The following GLI2 variants were observed in gnomAD, a reference collection of about 807,000 sequenced individuals.
GLI2 encodes GLI family zinc finger 2, also known as transcription activator GLI2.
In GLI2, 22 loss-of-function variants were observed where a neutral mutation model predicts 78.9. The ratio of observed to expected loss-of-function variants is 0.28; its 90% CI spans 0.20 to 0.40. The LOEUF is 0.40. Ranked by LOEUF, GLI2 falls within the 10% of genes least tolerant of loss-of-function variation. The pLI, the probability that GLI2 is intolerant of heterozygous loss-of-function variation, is 1.00. For missense variants in GLI2, 2,097 were observed against 2,213.2 expected, an observed-to-expected ratio of 0.95 and a Z score of 1.05; for synonymous variants, 974 against 963.7, an observed-to-expected ratio of 1.01 and a Z score of -0.20.
chr2:120,934,681 A>T (rs187298779), intron 3 of GLI2, among the ~76,000 whole-genome samples: 4 of 152,126 alleles, frequency 2.6e-5, no homozygotes, highest in African/African-American at 9.7e-5. Flanking sequence ...CAAAATGCAT[A>T]TTACCCAGGG....
At chr2:120,779,929 T>C (rs1283182006) in intron 1 of GLI2, among the ~76,000 whole-genome samples, 1 of 152,204 alleles carries the variant, frequency 6.6e-6, no homozygotes, top group Non-Finnish European at 1.5e-5. Context: ...TGTGTGTTTG[T>C]GTGTGCGTAT....
At chr2:120,874,978 A>G (rs549144994) in intron 2 of GLI2, among the ~76,000 whole-genome samples, 3 of 152,280 alleles carry the variant, frequency 2.0e-5, no homozygotes, top group African/African-American at 7.2e-5. Context: ...CTTCCCAGAC[A>G]CTTTCGGCCT....
At chr2:120,760,758 C>T (rs911598584) in intron 1 of GLI2, among the ~76,000 whole-genome samples, 9 of 152,146 alleles carry the variant, frequency 5.9e-5, no homozygotes, top group Admixed American at 2.6e-4. Context: ...CCCCTAAGTT[C>T]GGTGGTGTCT....
rs1036107866 is a variant in GLI2, at chr2:120,978,512, C to A, written c.1396C>A (p.Pro466Thr). 1.2e-6 allele frequency: 2 copies of A among 1,614,022 alleles called. No individual in the cohort carries two copies. The highest frequency in any genetic ancestry group is 2.7e-5 in the African/African-American group (2 of 74,954). ...GCAGGCCTGCACGCGGGAGCAGAAG[C>A]CCTTCAAGGCGCAGTACATGCTGGT... ...RWQACTREQK[P>T]FKAQYMLVVH... The change falls in exon 10 of 14, where the codon CCC (proline) becomes ACC (threonine). Residue 466 changes from proline to threonine, a missense_variant. Physicochemically the swap from Pro to Thr is conservative, Grantham distance 38 (BLOSUM62 -1). Around this residue, in one of 5 missense-constraint regions of GLI2, gnomAD observed 104 missense variants for 190.6 expected, o/e 0.55. Coordinates refer to ENST00000361492, the MANE Select transcript of GLI2 (RefSeq NM_001374353.1).
intron 1 of GLI2, 96 bp from the exon 2 acceptor site, chr2:120,797,195 G>A: frequency 1.2e-6 from 1 of 845,662 alleles, no homozygotes; most frequent in Non-Finnish European, 2.0e-6. Flanking sequence ...AATGAAGTTG[G>A]TTGCTTTAGG....
intron 2 of GLI2, among the ~76,000 whole-genome samples, chr2:120,813,153 C>A (rs115973395): frequency 6.6e-6 from 1 of 152,284 alleles, no homozygotes; most frequent in African/African-American, 2.4e-5. Context: ...CTGGCAGGGC[C>A]GGGGTGGTGA....
chr2:120,928,370 C>T (rs1679791980), intron 3 of GLI2, among the ~76,000 whole-genome samples: 1 of 152,204 alleles, frequency 6.6e-6, no homozygotes, highest in South Asian at 2.1e-4. Context: ...ACCTCCAAGC[C>T]TCAACCGAGG....
chr2:120,753,931 A>C (rs1682962307), intron 1 of GLI2, among the ~76,000 whole-genome samples: 1 of 151,880 alleles, frequency 6.6e-6, no homozygotes, highest in Non-Finnish European at 1.5e-5. Flanking sequence ...AAAAAAAAAA[A>C]ACAACTATTT....
At chr2:120,808,327 C>T (rs1260779646) in intron 2 of GLI2, among the ~76,000 whole-genome samples, 1 of 152,154 alleles carries the variant, frequency 6.6e-6, no homozygotes, top group Non-Finnish European at 1.5e-5. Flanking sequence ...GCAATCCCAC[C>T]ATTAGGTGTT....
At chr2:120,981,276 G>C (rs946747776) in intron 10 of GLI2, among the ~76,000 whole-genome samples, 2 of 152,206 alleles carry the variant, frequency 1.3e-5, no homozygotes, top group African/African-American at 4.8e-5. Flanking sequence ...CTGAAAAATT[G>C]TTCTTTCCAT....
At chr2:120,920,398 T>A (rs112890623) in intron 2 of GLI2, among the ~76,000 whole-genome samples, 1 of 152,246 alleles carries the variant, frequency 6.6e-6, no homozygotes, top group African/African-American at 2.4e-5. Context: ...GTCTGAACTC[T>A]GCAGACCCCT....
At position 120,968,947 on chromosome 2, in the gene GLI2, A is replaced by G. The variant is rs780659305; in HGVS notation, c.845+32A>G. ...CCCGCCTGCAAGCAGAGAGCTGAGG[A>G]CCAGAGCTGGGCTGAGGGCCCGGTG... On this transcript the variant is annotated intron_variant, in intron 6 of 13. Coordinates refer to ENST00000361492, the MANE Select transcript of GLI2 (RefSeq NM_001374353.1). 11 of 1,575,222 alleles carry G rather than the reference A, an allele frequency of 7.0e-6. No homozygotes were observed. The Admixed American group carries it at 1.0e-4, about 14-fold the overall frequency.
intron 2 of GLI2, among the ~76,000 whole-genome samples, chr2:120,850,568 G>T (rs551912455): frequency 1.3e-5 from 2 of 152,322 alleles, no homozygotes; most frequent in South Asian, 2.1e-4. Context: ...CTCTTACAGC[G>T]TAAGGGAGTA....
chr2:120,768,556 C>T (rs535680724), intron 1 of GLI2, among the ~76,000 whole-genome samples: 13 of 152,346 alleles, frequency 8.5e-5, no homozygotes, highest in African/African-American at 3.1e-4. Context: ...CATTCTCCAA[C>T]GCCTTTGGCA....
chr2:120,799,487 G>A (rs1347730636), intron 2 of GLI2, among the ~76,000 whole-genome samples: 1 of 152,218 alleles, frequency 6.6e-6, no homozygotes, highest in African/African-American at 2.4e-5. Context: ...ACCTGTCTCT[G>A]AGCAGCTTTT....
chr2:120,990,391 G>T lies in GLI2; in HGVS notation c.4426G>T (p.Val1476Phe). 8 of 1,614,080 alleles carry T rather than the reference G, an allele frequency of 5.0e-6. No homozygotes were observed. Among genetic ancestry groups the T allele is most frequent in the Non-Finnish European group, 6.8e-6 (8 of 1,180,024 alleles). The change falls in exon 14 of 14, where the codon GTC becomes TTC. Residue 1476 changes from valine (V) to phenylalanine (F), a missense_variant. Coordinates refer to ENST00000361492, the MANE Select transcript of GLI2 (RefSeq NM_001374353.1). ...IQPQPLPSPGVNQVSSTVDSQ... is the reference protein window; with the variant it reads ...IQPQPLPSPGFNQVSSTVDSQ... ...GCCCCAGCCCTTGCCCTCACCAGGG[G>T]TCAACCAGGTGTCCAGCACTGTGGA...
chr2:120,967,974 C>T (rs989916014), intron 5 of GLI2, among the ~76,000 whole-genome samples: 1 of 152,202 alleles, frequency 6.6e-6, no homozygotes, highest in Admixed American at 6.5e-5. Flanking sequence ...CTCTGCTTGG[C>T]AAATGCCCTA....
At chr2:120,878,392 C>T (rs920583606) in intron 2 of GLI2, among the ~76,000 whole-genome samples, 4 of 152,144 alleles carry the variant, frequency 2.6e-5, no homozygotes, top group Non-Finnish European at 4.4e-5. Flanking sequence ...ATCATGGTTG[C>T]AGTAAAGTCA....
At chr2:120,780,009 G>A (rs920214628) in intron 1 of GLI2, among the ~76,000 whole-genome samples, 7 of 152,096 alleles carry the variant, frequency 4.6e-5, no homozygotes, top group Admixed American at 6.5e-5. Flanking sequence ...TTTCAGCCCC[G>A]TAGACATCAC....
Sources: gnomAD v4.1 joint callset for allele counts (sites outside exome capture counted in the v4.1 genomes callset) on GRCh38, gnomAD v4.1.1 for gene constraint, gnomAD v4.1.1 regional missense constraint, MANE v1.5 for transcripts, NCBI Gene and HGNC (gene_info 2026-07-23, HGNC 2026-07-21) for gene names.